The following DAAM2 variants were observed in gnomAD, a reference collection of about 807,000 sequenced individuals.
DAAM2 encodes the protein dishevelled associated activator of morphogenesis 2, also known as disheveled-associated activator of morphogenesis 2.
A neutral mutation model predicts 120.7 loss-of-function variants in DAAM2; 39 were observed. The ratio of observed to expected loss-of-function variants is 0.32; its 90% CI spans 0.25 to 0.42. The LOEUF (loss-of-function observed/expected upper bound fraction) is 0.42, where lower values mean the gene tolerates loss of function less well. DAAM2 is among the 10% of genes least tolerant of loss of function. DAAM2 has a pLI of 1.00. For missense variants in DAAM2, 1,283 were observed against 1,401.7 expected (o/e 0.92, Z 1.35); for synonymous variants, 488 against 524.9 (o/e 0.93, Z 0.96).
intron 10 of DAAM2, among the ~76,000 whole-genome samples, chr6:39,873,906 A>G (rs535561892): frequency 2.6e-5 from 4 of 152,352 alleles, no homozygotes; most frequent in South Asian, 2.1e-4. Flanking sequence ...TAAATTGTAC[A>G]TAATTGCTAA....
In DAAM2 at chr6:39,901,861, C is replaced by A. The variant is rs1467772869; in HGVS notation, c.3031C>A (p.Leu1011Met). Residue 1011 changes from leucine (L) to methionine (M), a missense_variant, in exon 25 of 25, where the codon CTG (leucine) becomes ATG (methionine). Leu to Met is a conservative substitution (Grantham distance 15). Transcript: ENST00000274867. The surrounding 1 kb of genome is among the most constrained non-coding windows in gnomAD (Gnocchi z 4.5). The part of the protein sequence containing the change: ...RERWQRQRKV[L>M]AAGSSLEEGG... ...GCGGTGGCAGCGGCAGCGGAAGGTC[C>A]TGGCTGCAGGCAGCTCGCTGGAGGA... 1 of 1,587,154 alleles carries A rather than the reference C, an allele frequency of 6.3e-7. No homozygotes were observed. Among genetic ancestry groups the A allele is most frequent in the East Asian group, 2.3e-5 (1 of 44,352 alleles).
chr6:39,836,135 C>G (rs1010571345), intron 1 of DAAM2, among the ~76,000 whole-genome samples: 2 of 152,118 alleles, frequency 1.3e-5, no homozygotes, highest in Admixed American at 1.3e-4. Flanking sequence ...CCTCTGCCGG[C>G]CAGATTCACA....
intron 1 of DAAM2, among the ~76,000 whole-genome samples, chr6:39,828,102 T>C (rs1212155452): frequency 1.3e-5 from 2 of 152,210 alleles, no homozygotes; most frequent in Non-Finnish European, 2.9e-5. Flanking sequence ...CACTGTTCTG[T>C]CTGACTCTCG....
intron 1 of DAAM2, among the ~76,000 whole-genome samples, chr6:39,831,403 G>A (rs989560527): frequency 6.6e-5 from 10 of 152,020 alleles, no homozygotes; most frequent in African/African-American, 2.4e-4. Context: ...CCTAATCACT[G>A]TACCTGACTC....
intron 1 of DAAM2, among the ~76,000 whole-genome samples, chr6:39,806,059 C>T (rs1033061446): frequency 3.9e-5 from 6 of 152,094 alleles, no homozygotes; most frequent in African/African-American, 1.4e-4. Context: ...TCTATTTTGC[C>T]ACCATCCTTG....
rs534498105 is a variant in DAAM2 at position 39,845,875 on chromosome 6, C to T, written c.-56-10372C>T. 5.6e-4 allele frequency among the ~76,000 whole-genome samples: 85 copies of T among 152,102 alleles called. 2 individuals are homozygous for T. Among genetic ancestry groups the T allele is most frequent in the Admixed American group, 4.7e-3 (72 of 15,260 alleles). On this transcript the variant is annotated intron_variant, in intron 1 of 24. Transcript: ENST00000274867. ...GCTGTGAGTGCCCTGTTCTTATCCA[C>T]CCAGGGCCCTAGGCTGCTGTCAATT...
chr6:39,799,362 G>A (rs1355176951), intron 1 of DAAM2, among the ~76,000 whole-genome samples: 1 of 152,160 alleles, frequency 6.6e-6, no homozygotes, highest in Non-Finnish European at 1.5e-5. Context: ...TGGCTCTTTC[G>A]TTAGCACCGT....
chr6:39,860,882 C>T, intron 2 of DAAM2, 46 bp from the exon 3 acceptor site: 1 of 1,480,408 alleles, frequency 6.8e-7, no homozygotes, highest in African/African-American at 1.4e-5. Context: ...ATTCTAATCT[C>T]AACCATCCCT....
At chr6:39,834,844 T>C (rs1763046350) in intron 1 of DAAM2, among the ~76,000 whole-genome samples, 1 of 152,070 alleles carries the variant, frequency 6.6e-6, no homozygotes, top group Admixed American at 6.6e-5. Flanking sequence ...TGAGAGGTGA[T>C]TAAGGTGACC....
At chr6:39,887,309 G>A (rs1346814569) in intron 15 of DAAM2, 177 bp from the exon 16 acceptor site, 2 of 558,572 alleles carry the variant, frequency 3.6e-6, no homozygotes, top group East Asian at 6.1e-5. Context: ...AAAAGTCCCA[G>A]ATACCGTCTC....
Position 39,878,122 on chromosome 6 carries a change from G to T in DAAM2, c.1302-81G>T. 1 of 1,492,312 alleles carries T rather than the reference G, an allele frequency of 6.7e-7. No individual in the cohort carries two copies. The highest frequency in any genetic ancestry group is 9.2e-7 in the Non-Finnish European group (1 of 1,082,668). 92.4% of individuals were successfully genotyped at this position (1,492,312 alleles called of 1,614,324 possible). A position where few individuals can be genotyped will look rare whatever the true frequency, so the allele number is the denominator to read the frequency against. ...TTGGAGACCAGGGTCCCCACCTGGA[G>T]GGTAGAAAGATGATGTCTCCTGGGA... On this transcript the variant is annotated intron_variant, in intron 11 of 24. Transcript: ENST00000274867. The surrounding 1 kb of genome is among the most constrained non-coding windows in gnomAD (Gnocchi z 5.0).
chr6:39,863,479 C>T (rs567550430), intron 3 of DAAM2, among the ~76,000 whole-genome samples: 4 of 152,008 alleles, frequency 2.6e-5, no homozygotes, highest in Non-Finnish European at 5.9e-5. Context: ...AGCTGCAGGG[C>T]CCGCTGGCAG....
chr6:39,854,742 T>C (rs1404410162), intron 1 of DAAM2, among the ~76,000 whole-genome samples: 1 of 152,244 alleles, frequency 6.6e-6, no homozygotes, highest in East Asian at 1.9e-4. Context: ...AGGAGTGTCA[T>C]AGATTTAGCA....
At chr6:39,899,315 T>C (rs1766329213) in intron 22 of DAAM2, among the ~76,000 whole-genome samples, 1 of 152,226 alleles carries the variant, frequency 6.6e-6, no homozygotes, top group African/African-American at 2.4e-5. Context: ...TTCTTCCTTA[T>C]GTCTCTCTGC....
At chr6:39,840,163 G>T (rs1410475555) in intron 1 of DAAM2, among the ~76,000 whole-genome samples, 1 of 152,104 alleles carries the variant, frequency 6.6e-6, no homozygotes, top group Non-Finnish European at 1.5e-5. Flanking sequence ...GGAGGTGGAG[G>T]TTGCAGTGAG....
intron 2 of DAAM2, among the ~76,000 whole-genome samples, chr6:39,857,968 C>T (rs886280468): frequency 1.3e-5 from 2 of 151,826 alleles, no homozygotes; most frequent in Admixed American, 1.3e-4. Flanking sequence ...GGGGTGGGGG[C>T]ATGGGAGTGT....
chr6:39,888,525 G>A lies in DAAM2; in HGVS notation c.2061-154G>A. 3 of 575,540 alleles carry A rather than the reference G, an allele frequency of 5.2e-6. No homozygotes were observed. The Admixed American group carries it at 8.8e-5, about 17-fold the overall frequency. The allele number at this position is 575,540 out of a possible 1,614,324, so 35.7% of individuals were successfully genotyped here. On this transcript the variant is annotated intron_variant, in intron 16 of 24. Transcript: ENST00000274867. ...CAAGTTTGTGGACTGAATCATACTA[G>A]TCTAATCTAAGAAGGCTTTGTAGAG...
chr6:39,856,049 A>G (rs941976156), intron 1 of DAAM2, 198 bp from the exon 2 acceptor site: 2 of 979,228 alleles, frequency 2.0e-6, no homozygotes, highest in Admixed American at 6.4e-5. Context: ...GGATATGTAA[A>G]TGCCTCCAGG....
intron 11 of DAAM2, among the ~76,000 whole-genome samples, chr6:39,876,724 T>TGCGC (rs1278316668): frequency 0.01 from 1,122 of 111,260 alleles, 11 homozygotes; most frequent in African/African-American, 0.035. Context: ...TGTGTGTGTG[T>TGCGC]GTGTGCGTGT....
Sources: gnomAD v4.1 joint callset for allele counts (sites outside exome capture counted in the v4.1 genomes callset) on GRCh38, gnomAD v4.1.1 for gene constraint, Gnocchi (gnomAD v3.1) non-coding constraint, MANE v1.5 for transcripts, NCBI Gene and HGNC (gene_info 2026-07-23, HGNC 2026-07-21) for gene names.